Variants in ECM2 observed in about 807,000 individuals in gnomAD.
The protein encoded by ECM2 is extracellular matrix protein 2, female organ and adipocyte specific.
A neutral mutation model predicts 67.5 loss-of-function variants in ECM2; 57 were observed. That is an observed-to-expected ratio of 0.84 (90% confidence interval 0.68 to 1.05). ECM2 has a LOEUF of 1.05. Ranked by LOEUF, ECM2 falls within the 50% of genes least tolerant of loss-of-function variation. The probability of loss-of-function intolerance (pLI) is 0.00; values close to 1 mark genes in which losing one functional copy is unlikely to be tolerated. For missense variants in ECM2, 741 were observed against 822.8 expected (o/e 0.90, Z 1.22); for synonymous variants, 258 against 294.5 (o/e 0.88, Z 1.27).
the ECM2 span, among the ~76,000 whole-genome samples, chr9:92,552,023 GATCTATCATATAT>G: frequency 7.5e-6 from 1 of 133,124 alleles, no homozygotes; most frequent in Non-Finnish European, 1.5e-5. Flanking sequence ...TGATATGATA[GATCTATCATATAT>G]GTGATATTAT....
the ECM2 span, among the ~76,000 whole-genome samples, chr9:92,546,963 A>G: frequency 6.6e-6 from 1 of 152,296 alleles, no homozygotes; most frequent in East Asian, 1.9e-4. Context: ...CTATATTACA[A>G]ACTGACAGGG....
chr9:92,519,416 T>C (rs1471045328), intron 2 of ECM2, among the ~76,000 whole-genome samples: 4 of 152,122 alleles, frequency 2.6e-5, no homozygotes, highest in Admixed American at 1.3e-4. Flanking sequence ...TTCAAAAAGC[T>C]CACTATAAAG....
At position 92,512,028 on chromosome 9, in the gene ECM2, C is replaced by G; in HGVS notation, c.1153G>C (p.Gly385Arg). ...SKNNITSSGIGPKAFKLLKKL... is the reference protein window; with the variant it reads ...SKNNITSSGIRPKAFKLLKKL... ...GTATTTACCTTGAATGCTTTTGGAC[C>G]TATGCCTGAAGAAGTGATATTATTT... Residue 385 changes from glycine (G) to arginine (R), a missense_variant, in exon 5 of 10, where the codon GGT (glycine) becomes CGT (arginine). By Grantham distance (125) the Gly-to-Arg change is moderately radical (BLOSUM62 -2). Transcript: ENST00000344604. The G allele has an allele frequency of 6.2e-7, 1 of 1,612,282 alleles. No homozygotes were observed. Among genetic ancestry groups the G allele is most frequent in the Admixed American group, 1.7e-5 (1 of 59,882 alleles).
upstream of ECM2, among the ~76,000 whole-genome samples, chr9:92,536,982 G>A (rs1321304557): frequency 6.6e-6 from 1 of 150,536 alleles, no homozygotes. Context: ...GGATTCTCCT[G>A]CCTCAGCTTC....
chr9:92,558,974 TC>T, the ECM2 span, among the ~76,000 whole-genome samples: 1 of 151,850 alleles, frequency 6.6e-6, no homozygotes, highest in South Asian at 2.1e-4. Flanking sequence ...GAAGGGCAGT[TC>T]CCCCGCCACC....
downstream of ECM2, chr9:92,493,673 A>T (rs1846233635): frequency 6.4e-6 from 1 of 155,758 alleles, no homozygotes; most frequent in Non-Finnish European, 1.4e-5. Context: ...AGTGTTTGCT[A>T]TAAGGACATT....
upstream of ECM2, among the ~76,000 whole-genome samples, chr9:92,539,644 T>C (rs1849271246): frequency 6.6e-6 from 1 of 151,946 alleles, no homozygotes; most frequent in African/African-American, 2.4e-5. Context: ...AGGAGGAAGA[T>C]GGAGAGGATG....
the ECM2 span, among the ~76,000 whole-genome samples, chr9:92,557,843 A>G: frequency 3.3e-5 from 5 of 151,842 alleles, no homozygotes; most frequent in Non-Finnish European, 7.4e-5. Flanking sequence ...CGGGATTTCA[A>G]CATGTTGGCC....
intron 3 of ECM2, chr9:92,517,113 G>A (rs892329933): frequency 6.5e-6 from 1 of 154,354 alleles, no homozygotes; most frequent in Non-Finnish European, 1.4e-5. Flanking sequence ...CCCGCGCTGT[G>A]ATCTCCTGCA....
rs199523075 is a variant in ECM2, at chr9:92,522,717, G to T, written c.150C>A (p.Asn50Lys). The stretch of plus-strand genomic sequence containing the variant: ...TTGTTTGCTGAATTCCAAGCTGTCT[G>T]TTTGATCTGTGCTTGTGTGAGGTTG... ...KSSTSHKHRS[N>K]RQLGIQQTTV... The change falls in exon 2 of 10, where the codon AAC (asparagine) becomes AAA (lysine). Residue 50 changes from asparagine (N) to lysine (K), a missense_variant. Physicochemically the swap from Asn to Lys is moderately conservative, Grantham distance 94 (BLOSUM62 0). Transcript: ENST00000344604. 1 of 1,614,158 alleles carries T rather than the reference G, an allele frequency of 6.2e-7. No homozygotes were observed. Among genetic ancestry groups the T allele is most frequent in the East Asian group, 2.2e-5 (1 of 44,858 alleles).
At chr9:92,553,619 C>T in the ECM2 span, among the ~76,000 whole-genome samples, 7 of 151,976 alleles carry the variant, frequency 4.6e-5, no homozygotes, top group Non-Finnish European at 1.0e-4. Context: ...AGAGGTCTTT[C>T]GACTCCTTGG....
chr9:92,510,106 G>A (rs1471219394), intron 5 of ECM2, 72 bp from the exon 6 acceptor site: 10 of 1,496,028 alleles, frequency 6.7e-6, no homozygotes, highest in East Asian at 2.3e-5. Flanking sequence ...TATAATGGTC[G>A]TGACTAAAAG....
At chr9:92,527,494 T>C (rs1213558610) in intron 1 of ECM2, among the ~76,000 whole-genome samples, 1 of 152,212 alleles carries the variant, frequency 6.6e-6, no homozygotes, top group East Asian at 1.9e-4. Flanking sequence ...AACAAAATCA[T>C]GTAACATCAC....
the ECM2 span, among the ~76,000 whole-genome samples, chr9:92,547,845 G>A: frequency 6.6e-6 from 1 of 152,170 alleles, no homozygotes; most frequent in African/African-American, 2.4e-5. Flanking sequence ...TTTAAATGGT[G>A]AAATACTGAC....
chr9:92,507,251 A>G (rs746531024), intron 6 of ECM2, among the ~76,000 whole-genome samples: 16 of 152,218 alleles, frequency 1.1e-4, no homozygotes, highest in Non-Finnish European at 1.9e-4. Context: ...AAATTGGGAT[A>G]AGTGGTTATA....
intron 6 of ECM2, 132 bp downstream of exon 6, chr9:92,509,767 C>A: frequency 1.1e-6 from 1 of 950,102 alleles, no homozygotes; most frequent in East Asian, 3.1e-5. Context: ...GAAGTTTTAT[C>A]AACTCAAATG....
intron 6 of ECM2, 125 bp downstream of exon 6, chr9:92,509,774 A>C: frequency 1.9e-6 from 2 of 1,051,150 alleles, no homozygotes; most frequent in Non-Finnish European, 2.6e-6. Context: ...TATCAACTCA[A>C]ATGGTTAAGT....
chr9:92,535,101 T>TC (rs1849086377), intron 1 of ECM2, among the ~76,000 whole-genome samples: 1 of 152,090 alleles, frequency 6.6e-6, no homozygotes, highest in South Asian at 2.1e-4. Context: ...TTTCTTTTTT[T>TC]CCCCCAAATT....
the ECM2 span, among the ~76,000 whole-genome samples, chr9:92,552,190 TACACACACACACAC>T: frequency 9.4e-6 from 1 of 106,412 alleles, no homozygotes; most frequent in Non-Finnish European, 1.9e-5. Flanking sequence ...ATCTATCATA[TACACACACACACAC>T]ACACACACAC....
Sources: gnomAD v4.1 joint callset for allele counts (sites outside exome capture counted in the v4.1 genomes callset) on GRCh38, gnomAD v4.1.1 for gene constraint, MANE v1.5 for transcripts, NCBI Gene and HGNC (gene_info 2026-07-23, HGNC 2026-07-21) for gene names.